PSMD1: variants seen among roughly 807,000 people sequenced by gnomAD.
PSMD1 encodes the protein 26S proteasome non-ATPase regulatory subunit 1.
PSMD1 carries 18 observed loss-of-function variants against 119.0 expected under a neutral mutation model. The ratio of observed to expected loss-of-function variants is 0.15; its 90% CI spans 0.10 to 0.22. The LOEUF (loss-of-function observed/expected upper bound fraction) is 0.22. PSMD1 is among the 10% of genes least tolerant of loss of function. PSMD1 has a pLI of 1.00. For missense variants in PSMD1, 702 were observed against 1,158.5 expected, an observed-to-expected ratio of 0.61 and a Z score of 5.72; for synonymous variants, 374 against 396.6, an observed-to-expected ratio of 0.94 and a Z score of 0.68.
At chr2:231,121,902 A>G (rs1695556430) in intron 16 of PSMD1, among the ~76,000 whole-genome samples, 1 of 152,172 alleles carries the variant, frequency 6.6e-6, no homozygotes, top group African/African-American at 2.4e-5. Flanking sequence ...CACAGTTTGA[A>G]GAGTATGATT....
At chr2:231,151,601 A>C (rs2125258347) in intron 18 of PSMD1, among the ~76,000 whole-genome samples, 1 of 151,854 alleles carries the variant, frequency 6.6e-6, no homozygotes, top group East Asian at 1.9e-4. Context: ...TTTTGGGTAC[A>C]ATTTTAAATT....
chr2:231,115,522 G>A (rs1695300203), intron 16 of PSMD1, among the ~76,000 whole-genome samples: 1 of 152,112 alleles, frequency 6.6e-6, no homozygotes, highest in Non-Finnish European at 1.5e-5. Flanking sequence ...AGGGATTAAA[G>A]CATCAAGTGG....
At chr2:231,126,839 A>G (rs1695732406) in intron 16 of PSMD1, among the ~76,000 whole-genome samples, 1 of 152,038 alleles carries the variant, frequency 6.6e-6, no homozygotes, top group Non-Finnish European at 1.5e-5. Context: ...TTATTTGGCA[A>G]TCTCAAGTTA....
intron 16 of PSMD1, among the ~76,000 whole-genome samples, chr2:231,089,317 T>C (rs1402260929): frequency 6.6e-6 from 1 of 152,200 alleles, no homozygotes; most frequent in Non-Finnish European, 1.5e-5. Flanking sequence ...GTAGACAGAA[T>C]AGCCTTCTAT....
intron 7 of PSMD1, among the ~76,000 whole-genome samples, chr2:231,074,752 T>G (rs961488626): frequency 6.6e-6 from 1 of 152,202 alleles, no homozygotes; most frequent in Non-Finnish European, 1.5e-5. Flanking sequence ...TTGTTTAGGA[T>G]AGTTTTTCCA....
chr2:231,080,432 T>G, intron 12 of PSMD1, 118 bp downstream of exon 12: 1 of 837,726 alleles, frequency 1.2e-6, no homozygotes. Flanking sequence ...AAAACAACTG[T>G]CATCTTGGAT....
chr2:231,123,491 A>G, intron 16 of PSMD1: 1 of 1,614,150 alleles, frequency 6.2e-7, no homozygotes, highest in South Asian at 1.1e-5. Context: ...GACATTAGAA[A>G]GTAATTAGTA....
intron 16 of PSMD1, chr2:231,113,757 C>T: frequency 6.2e-7 from 1 of 1,614,082 alleles, no homozygotes; most frequent in Non-Finnish European, 8.5e-7. Flanking sequence ...CCACTGTAAT[C>T]TTGATGAATG....
rs997433169 is a variant in PSMD1 at position 231,065,451 on chromosome 2, C to T, written c.305-1455C>T. The stretch of plus-strand genomic sequence containing the variant: ...GGGACTACAGGCGCCCGCCACCACA[C>T]CCGGCTAATTTTTTTTTTTTTGTAT... On this transcript the variant is annotated intron_variant, in intron 4 of 24. Transcript: ENST00000308696. Among the ~76,000 whole-genome samples the T allele has an allele frequency of 1.2e-4, 16 of 132,910 alleles. No individual in the cohort carries two copies. In the South Asian group the frequency reaches 3.9e-3, roughly 32 times the overall value. The allele number at this position is 132,910 out of a possible 152,430, so 87.2% of individuals were successfully genotyped here. A position where few individuals can be genotyped will look rare whatever the true frequency, so the allele number is the denominator to read the frequency against.
At chr2:231,086,978 G>A (rs762370394) in intron 15 of PSMD1, 139 bp from the exon 16 acceptor site, 5 of 593,910 alleles carry the variant, frequency 8.4e-6, no homozygotes, top group East Asian at 2.8e-5. Context: ...TATATGTTTA[G>A]AGGTGTGCAA....
intron 16 of PSMD1, among the ~76,000 whole-genome samples, chr2:231,116,306 G>T (rs1346160908): frequency 6.6e-6 from 1 of 152,082 alleles, no homozygotes; most frequent in African/African-American, 2.4e-5. Context: ...CTGTAAGTAG[G>T]GTGGTAGGAA....
intron 7 of PSMD1, among the ~76,000 whole-genome samples, chr2:231,072,641 G>A (rs926652924): frequency 2.0e-5 from 3 of 151,976 alleles, no homozygotes; most frequent in Admixed American, 6.6e-5. Flanking sequence ...TGATTATCTC[G>A]TAGGGAGGGC....
intron 16 of PSMD1, 44 bp from the exon 17 acceptor site, chr2:231,138,692 A>G (rs570457100): frequency 1.4e-6 from 2 of 1,426,940 alleles, no homozygotes; most frequent in African/African-American, 1.4e-5. Flanking sequence ...TTAACTTAAA[A>G]TAGATTACCT....
intron 16 of PSMD1, chr2:231,114,029 C>G: frequency 1.1e-6 from 1 of 899,612 alleles, no homozygotes; most frequent in Non-Finnish European, 1.8e-6. Context: ...TTTTGTTACT[C>G]ATCTGAAATT....
intron 16 of PSMD1, among the ~76,000 whole-genome samples, chr2:231,136,872 AT>A (rs1312983254): frequency 1.3e-5 from 2 of 149,042 alleles, no homozygotes; most frequent in African/African-American, 2.5e-5. Context: ...TTTCTGTGAT[AT>A]TTTTTTCTCC....
At chr2:231,130,145 T>C (rs1247814110) in intron 16 of PSMD1, among the ~76,000 whole-genome samples, 1 of 152,238 alleles carries the variant, frequency 6.6e-6, no homozygotes, top group African/African-American at 2.4e-5. Context: ...TATTACAAGT[T>C]GTATGAACTA....
At chr2:231,140,900 G>A (rs767851374) in intron 17 of PSMD1, among the ~76,000 whole-genome samples, 7 of 151,948 alleles carry the variant, frequency 4.6e-5, no homozygotes, top group Non-Finnish European at 1.0e-4. Flanking sequence ...CAGGTGTGGT[G>A]GCTTACACCT....
Position 231,146,232 on chromosome 2 carries a change from T to A in PSMD1, c.1999-8T>A. The stretch of plus-strand genomic sequence containing the variant: ...TTAAAAGTTGTGTGTTTTTTTAAAT[T>A]CTTTCAGGAAGCCATTAATTTGCTA... On this transcript the variant is annotated splice_region_variant and splice_polypyrimidine_tract_variant and intron_variant, in intron 17 of 24. Transcript: ENST00000308696. The A allele has an allele frequency of 6.3e-7, 1 of 1,594,832 alleles. No individual in the cohort carries two copies. The highest frequency in any genetic ancestry group is 8.6e-7 in the Non-Finnish European group (1 of 1,163,420).
Position 231,172,663 on chromosome 2 carries a change from T to TC in PSMD1, c.*140dup. 1 of 152,354 alleles carries TC rather than the reference T, an allele frequency of 6.6e-6. No individual in the cohort carries two copies. The highest frequency in any genetic ancestry group is 1.5e-5 in the Non-Finnish European group (1 of 68,038). 9.4% of individuals were successfully genotyped at this position (152,354 alleles called of 1,614,324 possible). Reference sequence around the variant, plus strand: ...CTGCACTGACCTGAAGAACCCTGTCTCCAAGTCTTTGGTTGAAGAGAAGAT... The same window carrying TC: ...CTGCACTGACCTGAAGAACCCTGTCTCCCAAGTCTTTGGTTGAAGAGAAGAT... On this transcript the variant is annotated 3_prime_UTR_variant, in exon 25 of 25. Coordinates refer to ENST00000308696, the MANE Select transcript of PSMD1 (RefSeq NM_002807.4).
Sources: allele counts gnomAD v4.1 joint callset (sites outside exome capture counted in the v4.1 genomes callset), GRCh38; gene constraint gnomAD v4.1.1; transcripts MANE v1.5; gene names NCBI Gene and HGNC (gene_info 2026-07-23, HGNC 2026-07-21).